The following FRMPD2 variants were observed in gnomAD, a reference collection of about 807,000 sequenced individuals.
FRMPD2 encodes FERM and PDZ domain containing 2.
A neutral mutation model predicts 140.1 loss-of-function variants in FRMPD2; 96 were observed. That is an observed-to-expected ratio of 0.69 (90% CI 0.58 to 0.81). The LOEUF is 0.81. Ranked by LOEUF, FRMPD2 falls within the 40% of genes least tolerant of loss-of-function variation. FRMPD2 has a pLI of 0.00. For synonymous variants in FRMPD2, 449 were observed against 547.6 expected, an observed-to-expected ratio of 0.82 and a Z score of 2.52; for missense variants, 1,240 against 1,447.4, an observed-to-expected ratio of 0.86 and a Z score of 2.32.
In FRMPD2 at chr10:48,242,148, G is replaced by T; in HGVS notation, c.567+13C>A. On this transcript the variant is annotated intron_variant, in intron 5 of 28. Coordinates refer to ENST00000374201, the MANE Select transcript of FRMPD2 (RefSeq NM_001018071.4). ...CAGCAGCTACTGCTTGAAAAGCACG[G>T]TTCTCTACTGACCTCAGAAATGGTA... 1 of 1,593,804 alleles carries T rather than the reference G, an allele frequency of 6.3e-7. No homozygotes were observed. Among genetic ancestry groups the T allele is most frequent in the South Asian group, 1.1e-5 (1 of 88,086 alleles).
rs1838914690 is a variant in FRMPD2, at chr10:48,194,781, G to T, written c.1955-1887C>A. ...GGGACTCAGCCTACAGCTGTGGGCT[G>T]GTGGGGCTGCTGGTGAGTGCCAGTG... On this transcript the variant is annotated intron_variant, in intron 15 of 28. Transcript: ENST00000374201. Among the ~76,000 whole-genome samples, 3 of 152,140 alleles carry T rather than the reference G, an allele frequency of 2.0e-5. No homozygotes were observed. In the South Asian group the frequency reaches 6.2e-4, roughly 31 times the overall value.
chr10:48,209,197 C>T (rs186061007), intron 13 of FRMPD2, among the ~76,000 whole-genome samples: 1 of 152,112 alleles, frequency 6.6e-6, no homozygotes. Flanking sequence ...TGTTATAATG[C>T]TAAGTGGAAG....
At chr10:48,256,310 C>G (rs10857552) in intron 1 of FRMPD2, among the ~76,000 whole-genome samples, 5,704 of 152,220 alleles carry the variant, frequency 0.037, 238 homozygotes, top group East Asian at 0.24. Context: ...CCACCTCACC[C>G]GGGCGGCACA....
chr10:48,160,967 G>T (rs1453202603), intron 28 of FRMPD2, among the ~76,000 whole-genome samples: 17 of 143,476 alleles, frequency 1.2e-4, no homozygotes, highest in African/African-American at 3.9e-4. Context: ...GGGGAGGAAA[G>T]GTTCCTAAGT....
chr10:48,181,858 C>CATATATAT lies in FRMPD2; in HGVS notation c.2585-858_2585-851dup, dbSNP rs35165586. On this transcript the variant is annotated intron_variant, in intron 20 of 28. Coordinates refer to ENST00000374201, the MANE Select transcript of FRMPD2 (RefSeq NM_001018071.4). ...ATATATGAAAGAATATATATTCCCT[C>CATATATAT]ATATATATATATATATATATGGCTC... Among the ~76,000 whole-genome samples, 558 of 79,786 alleles carry CATATATAT rather than the reference C, an allele frequency of 7.0e-3. 23 individuals are homozygous for CATATATAT. The highest frequency in any genetic ancestry group is 0.022 in the African/African-American group (500 of 23,074). The allele number at this position is 79,786 out of a possible 152,430, so 52.3% of individuals were successfully genotyped here. A position where few individuals can be genotyped will look rare whatever the true frequency, so the allele number is the denominator to read the frequency against.
intron 13 of FRMPD2, among the ~76,000 whole-genome samples, chr10:48,211,687 AAAAATAAATAAAT>A (rs1839326540): frequency 6.6e-6 from 1 of 152,102 alleles, no homozygotes; most frequent in African/African-American, 2.4e-5. Context: ...TCCATCTCAA[AAAAATAAATAAAT>A]AAAATAAAAA....
In FRMPD2 at chr10:48,268,740, G is replaced by A. The variant is rs754774675; in HGVS notation, c.25+5803C>T. 1.8e-4 allele frequency among the ~76,000 whole-genome samples: 28 copies of A among 152,198 alleles called. 1 individual carries two copies. The highest frequency in any genetic ancestry group is 7.9e-4 in the Admixed American group (12 of 15,284). On this transcript the variant is annotated intron_variant, in intron 1 of 28. Coordinates refer to ENST00000374201, the MANE Select transcript of FRMPD2 (RefSeq NM_001018071.4). ...GGGAGCTGGGGGAGATCTTTGTGGCGATAGAATAGTTTTGTATCTTGATTG... is the reference window on the plus strand; with the variant it reads ...GGGAGCTGGGGGAGATCTTTGTGGCAATAGAATAGTTTTGTATCTTGATTG...
At chr10:48,220,459 A>C (rs2131899398) in intron 12 of FRMPD2, among the ~76,000 whole-genome samples, 1 of 152,338 alleles carries the variant, frequency 6.6e-6, no homozygotes, top group South Asian at 2.1e-4. Flanking sequence ...AAAGACTTAA[A>C]TCTAAAACCT....
intron 28 of FRMPD2, among the ~76,000 whole-genome samples, chr10:48,162,152 A>G (rs1295190436): frequency 1.4e-5 from 2 of 147,488 alleles, no homozygotes; most frequent in East Asian, 2.0e-4. Flanking sequence ...TACTGCCTAG[A>G]CTGCAATTGT....
At chr10:48,175,083 G>A in intron 23 of FRMPD2, 128 bp from the exon 24 acceptor site, 1 of 525,242 alleles carries the variant, frequency 1.9e-6, no homozygotes, top group Non-Finnish European at 3.1e-6. Flanking sequence ...TGAGGTGCCA[G>A]GTGTCCCCCT....
At chr10:48,259,623 T>C (rs1333425600) in intron 1 of FRMPD2, among the ~76,000 whole-genome samples, 1 of 143,522 alleles carries the variant, frequency 7.0e-6, no homozygotes, top group Non-Finnish European at 1.5e-5. Context: ...AGTACATGAA[T>C]GTGTGTGTGT....
chr10:48,215,254 CA>C (rs886222368), intron 12 of FRMPD2, among the ~76,000 whole-genome samples: 1 of 152,172 alleles, frequency 6.6e-6, no homozygotes, highest in African/African-American at 2.4e-5. Context: ...AGGTGGCCCC[CA>C]CCCAGCTTCA....
At chr10:48,229,930 A>G (rs1274104969) in intron 10 of FRMPD2, among the ~76,000 whole-genome samples, 1 of 152,210 alleles carries the variant, frequency 6.6e-6, no homozygotes, top group African/African-American at 2.4e-5. Flanking sequence ...GATAACTTCA[A>G]GATCAAACCA....
intron 5 of FRMPD2, 74 bp from the exon 6 acceptor site, chr10:48,240,566 G>C (rs1840084487): frequency 1.3e-6 from 2 of 1,579,266 alleles, no homozygotes; most frequent in South Asian, 1.1e-5. Context: ...ATGCAAACTG[G>C]CTGTCAGACT....
chr10:48,258,263 TAGTTAAAG>T (rs1840522923), intron 1 of FRMPD2, among the ~76,000 whole-genome samples: 1 of 152,242 alleles, frequency 6.6e-6, no homozygotes, highest in Non-Finnish European at 1.5e-5. Context: ...TGCTAGGCCC[TAGTTAAAG>T]AGTTAAAGGT....
chr10:48,253,328 A>G (rs1840428435), intron 1 of FRMPD2, among the ~76,000 whole-genome samples: 1 of 152,230 alleles, frequency 6.6e-6, no homozygotes, highest in South Asian at 2.1e-4. Context: ...TTTAATATAG[A>G]ACATAAAACT....
At chr10:48,164,692 C>T (rs1325575137) in intron 27 of FRMPD2, among the ~76,000 whole-genome samples, 1 of 150,622 alleles carries the variant, frequency 6.6e-6, no homozygotes, top group African/African-American at 2.5e-5. Context: ...ATAAAGGATA[C>T]ACCAAAAATC....
rs1435336441 is a variant in FRMPD2, at chr10:48,242,405, G to A, written c.376-53C>T. On this transcript the variant is annotated intron_variant, in intron 4 of 28. Coordinates refer to ENST00000374201, the MANE Select transcript of FRMPD2 (RefSeq NM_001018071.4). ...AGAGAGCAGCCAGAGCTGCCACTAC[G>A]AGGCCAGCACCTTGTCAGGCAGGCC... 1.7e-5 allele frequency: 26 copies of A among 1,521,502 alleles called. No homozygotes were observed. The African/African-American group carries it at 2.6e-4, about 15-fold the overall frequency. 94.3% of individuals were successfully genotyped at this position (1,521,502 alleles called of 1,614,324 possible).
At chr10:48,228,118 C>T (rs908146491) in intron 10 of FRMPD2, among the ~76,000 whole-genome samples, 2 of 151,992 alleles carry the variant, frequency 1.3e-5, no homozygotes, top group Non-Finnish European at 2.9e-5. Flanking sequence ...AGGTTCTTTG[C>T]TTCTGTGGTA....
Sources: allele counts gnomAD v4.1 joint callset (sites outside exome capture counted in the v4.1 genomes callset), GRCh38; gene constraint gnomAD v4.1.1; transcripts MANE v1.5; gene names NCBI Gene and HGNC (gene_info 2026-07-23, HGNC 2026-07-21).